CPA6: variants seen among roughly 807,000 people sequenced by gnomAD.
CPA6 encodes the protein carboxypeptidase B.
A neutral mutation model predicts 63.3 loss-of-function variants in CPA6; 58 were observed. That is an observed-to-expected ratio of 0.92 (90% CI 0.74 to 1.14). The LOEUF (loss-of-function observed/expected upper bound fraction) is 1.14, where lower values mean the gene tolerates loss of function less well. Ranked by LOEUF, CPA6 falls within the 50% of genes most tolerant of loss-of-function variation. The probability of loss-of-function intolerance (pLI) is 0.00; values close to 1 mark genes in which losing one functional copy is unlikely to be tolerated. For synonymous variants in CPA6, 185 were observed against 179.0 expected, an observed-to-expected ratio of 1.03 and a Z score of -0.27; for missense variants, 565 against 526.6, an observed-to-expected ratio of 1.07 and a Z score of -0.71.
At chr8:67,637,752 G>T (rs1327635991) in intron 1 of CPA6, among the ~76,000 whole-genome samples, 3 of 151,364 alleles carry the variant, frequency 2.0e-5, no homozygotes, top group Admixed American at 6.6e-5. Flanking sequence ...GTAGTAAAAA[G>T]GTTTAGCTGC....
chr8:67,720,722 G>A (rs566478224), intron 1 of CPA6, among the ~76,000 whole-genome samples: 4 of 152,270 alleles, frequency 2.6e-5, no homozygotes, highest in Admixed American at 2.0e-4. Context: ...TTATATCGCC[G>A]CATTGTGTAC....
chr8:67,605,640 A>T (rs1222048573), intron 2 of CPA6, among the ~76,000 whole-genome samples: 1 of 151,574 alleles, frequency 6.6e-6, no homozygotes, highest in Non-Finnish European at 1.5e-5. Context: ...GTGGATCCAC[A>T]AGGCTTATGG....
At chr8:67,426,779 A>C (rs938697226) in intron 10 of CPA6, among the ~76,000 whole-genome samples, 1 of 152,218 alleles carries the variant, frequency 6.6e-6, no homozygotes, top group Non-Finnish European at 1.5e-5. Flanking sequence ...ACACACCGAC[A>C]TTCACACATA....
chr8:67,521,526 T>A (rs1812256782), intron 2 of CPA6, among the ~76,000 whole-genome samples: 2 of 152,234 alleles, frequency 1.3e-5, no homozygotes, highest in South Asian at 4.1e-4. Flanking sequence ...CAAAGGATAA[T>A]CACTGTTTCT....
Position 67,507,999 on chromosome 8 carries a change from T to TTGTGTG in CPA6, c.535-1117_535-1112dup, listed in dbSNP as rs145996041. On this transcript the variant is annotated intron_variant, in intron 5 of 10. Coordinates refer to ENST00000297770, the MANE Select transcript of CPA6 (RefSeq NM_020361.5). ...TTCCTCCTGTATTCTATGGGGTGCT[T>TTGTGTG]TGTGTGTGTGTGTGTGTGTGTGTGT... is the stretch of plus-strand genomic sequence containing the variant. Among the ~76,000 whole-genome samples the TTGTGTG allele has an allele frequency of 7.1e-3, 1,016 of 142,342 alleles. 8 individuals carry two copies. The highest frequency in any genetic ancestry group is 0.027 in the East Asian group (126 of 4,724). 93.4% of individuals were successfully genotyped at this position (142,342 alleles called of 152,430 possible).
intron 1 of CPA6, among the ~76,000 whole-genome samples, chr8:67,645,609 T>C (rs1815697296): frequency 6.6e-6 from 1 of 152,326 alleles, no homozygotes; most frequent in African/African-American, 2.4e-5. Context: ...TCTTTGCCAA[T>C]TAAACGATAT....
intron 8 of CPA6, among the ~76,000 whole-genome samples, chr8:67,479,971 C>CT (rs1002477758): frequency 1.5e-3 from 212 of 144,028 alleles, no homozygotes; most frequent in Admixed American, 1.4e-3. Flanking sequence ...CCCGGCTCCA[C>CT]TTTTTTTTTT....
intron 1 of CPA6, among the ~76,000 whole-genome samples, chr8:67,692,500 T>G (rs1286603849): frequency 6.6e-6 from 1 of 152,206 alleles, no homozygotes; most frequent in Non-Finnish European, 1.5e-5. Context: ...TATTGAAGAT[T>G]CTCTGTAAAA....
chr8:67,608,193 T>A (rs1269045391), intron 2 of CPA6, among the ~76,000 whole-genome samples: 2 of 152,200 alleles, frequency 1.3e-5, no homozygotes, highest in African/African-American at 2.4e-5. Context: ...TGGCAAGGGC[T>A]CTACCCTCAA....
At chr8:67,678,889 A>C (rs1816534675) in intron 1 of CPA6, among the ~76,000 whole-genome samples, 1 of 152,258 alleles carries the variant, frequency 6.6e-6, no homozygotes, top group African/African-American at 2.4e-5. Flanking sequence ...GCGATATGAG[A>C]ATGAATGAAC....
At chr8:67,699,352 G>A (rs1216313304) in intron 1 of CPA6, among the ~76,000 whole-genome samples, 1 of 151,988 alleles carries the variant, frequency 6.6e-6, no homozygotes, top group Non-Finnish European at 1.5e-5. Flanking sequence ...GGAGGTGGAG[G>A]TTGCACTGAG....
In CPA6 at chr8:67,594,094, C is replaced by G. The variant is rs930110219; in HGVS notation, c.192+30082G>C. Among the ~76,000 whole-genome samples, 29 of 152,120 alleles carry G rather than the reference C, an allele frequency of 1.9e-4. No individual in the cohort carries two copies. The East Asian group carries it at 1.9e-3, about 10-fold the overall frequency. On this transcript the variant is annotated intron_variant, in intron 2 of 10. Coordinates refer to ENST00000297770, the MANE Select transcript of CPA6 (RefSeq NM_020361.5). Reference sequence around the variant, plus strand: ...GGCAGGCCTGGTGGTGACAAAATCTCTCAGCATTTGCTTGTCTGTAAAGGA... The same window carrying G: ...GGCAGGCCTGGTGGTGACAAAATCTGTCAGCATTTGCTTGTCTGTAAAGGA...
At chr8:67,507,743 T>C (rs988632337) in intron 5 of CPA6, among the ~76,000 whole-genome samples, 2 of 151,730 alleles carry the variant, frequency 1.3e-5, no homozygotes, top group Non-Finnish European at 1.5e-5. Flanking sequence ...AACATAAGAG[T>C]GTTATGTTGA....
At chr8:67,538,512 GTTTT>G (rs139665944) in intron 2 of CPA6, among the ~76,000 whole-genome samples, 5 of 90,766 alleles carry the variant, frequency 5.5e-5, no homozygotes, top group Non-Finnish European at 1.0e-4. Flanking sequence ...TGCAACCCCT[GTTTT>G]TTTTTTTTTT....
intron 2 of CPA6, among the ~76,000 whole-genome samples, chr8:67,574,910 T>C (rs1189850012): frequency 6.6e-6 from 1 of 151,946 alleles, no homozygotes; most frequent in Non-Finnish European, 1.5e-5. Flanking sequence ...AAATAAAAAC[T>C]TCTGTACAAC....
At chr8:67,623,777 T>C (rs538707996) in intron 2 of CPA6, among the ~76,000 whole-genome samples, 2 of 151,974 alleles carry the variant, frequency 1.3e-5, no homozygotes, top group Non-Finnish European at 1.5e-5. Flanking sequence ...AAAGCTCTTT[T>C]GGCTGGGCAC....
At chr8:67,531,202 G>A (rs144416399) in intron 2 of CPA6, among the ~76,000 whole-genome samples, 1 of 152,008 alleles carries the variant, frequency 6.6e-6, no homozygotes, top group Non-Finnish European at 1.5e-5. Context: ...CAGGGGAAGG[G>A]TAAAGGGACT....
In CPA6 at chr8:67,746,243, A is replaced by C; in HGVS notation, c.-114T>G. On this transcript the variant is annotated 5_prime_UTR_variant, in exon 1 of 11. Transcript: ENST00000297770. ...TCTCCGGGAAGGGGGTGGGCGAGGA[A>C]GGTTGAGAGTGAGCAAAATGTGACA... is the stretch of plus-strand genomic sequence containing the variant. The C allele has an allele frequency of 4.7e-6, 3 of 636,740 alleles. No individual in the cohort carries two copies. The highest frequency in any genetic ancestry group is 7.8e-6 in the Non-Finnish European group (3 of 382,238). The allele number at this position is 636,740 out of a possible 1,614,324, so 39.4% of individuals were successfully genotyped here. A position where few individuals can be genotyped will look rare whatever the true frequency, so the allele number is the denominator to read the frequency against.
chr8:67,635,285 T>C (rs1461414476), intron 1 of CPA6, among the ~76,000 whole-genome samples: 1 of 151,466 alleles, frequency 6.6e-6, no homozygotes, highest in East Asian at 1.9e-4. Flanking sequence ...CATTCAACCT[T>C]TTTGTTGTTG....
Sources: gnomAD v4.1 joint callset for allele counts (sites outside exome capture counted in the v4.1 genomes callset) on GRCh38, gnomAD v4.1.1 for gene constraint, MANE v1.5 for transcripts, NCBI Gene and HGNC (gene_info 2026-07-23, HGNC 2026-07-21) for gene names.